The following MTHFS variants were observed in gnomAD, a reference collection of about 807,000 sequenced individuals.
MTHFS encodes the protein 5-formyltetrahydrofolate cyclo-ligase.
Under a neutral mutation model 12.7 loss-of-function variants are expected in MTHFS, and 7 were observed. That is an observed-to-expected ratio of 0.55 (90% CI 0.31 to 1.03). The LOEUF (loss-of-function observed/expected upper bound fraction) is 1.03, where lower values mean the gene tolerates loss of function less well. MTHFS is among the 50% of genes least tolerant of loss of function. The pLI is 0.05. For synonymous variants in MTHFS, 100 were observed against 97.1 expected, an observed-to-expected ratio of 1.03 and a Z score of -0.18; for missense variants, 252 against 258.1, an observed-to-expected ratio of 0.98 and a Z score of 0.16.
chr15:79,864,206 A>G (rs1017552105), intron 2 of MTHFS, among the ~76,000 whole-genome samples: 1 of 152,216 alleles, frequency 6.6e-6, no homozygotes, highest in Admixed American at 6.5e-5. Context: ...CTTAGTAGAC[A>G]AAGGGTAGCT....
chr15:79,897,234 C>T (rs1387682495), upstream of MTHFS: 4 of 456,410 alleles, frequency 8.8e-6, no homozygotes, highest in Non-Finnish European at 1.5e-5. Flanking sequence ...GTTAGGGGAG[C>T]GGTGGCGAGG....
upstream of MTHFS, chr15:79,897,025 C>A: frequency 6.7e-7 from 1 of 1,491,472 alleles, no homozygotes; most frequent in Non-Finnish European, 8.9e-7. Flanking sequence ...GCCCTCGGCG[C>A]CCTGGGCGCC....
At chr15:79,879,321 C>CTTTTTTTTTTTTTT (rs565488885) in intron 2 of MTHFS, among the ~76,000 whole-genome samples, 11 of 79,328 alleles carry the variant, frequency 1.4e-4, no homozygotes, top group South Asian at 5.0e-4. Context: ...AATTATTACC[C>CTTTTTTTTTTTTTT]TTTTTTTTTT....
chr15:79,855,852 C>A (rs1596063990), intron 2 of MTHFS, among the ~76,000 whole-genome samples: 1 of 152,292 alleles, frequency 6.6e-6, no homozygotes, highest in African/African-American at 2.4e-5. Context: ...TGATCTCACT[C>A]TTTTTTATAA....
chr15:79,893,938 G>A lies in MTHFS; in HGVS notation c.117+2934C>T, dbSNP rs187099720. On this transcript the variant is annotated intron_variant, in intron 1 of 2. Coordinates refer to ENST00000258874, the MANE Select transcript of MTHFS (RefSeq NM_006441.4). ...GTACAGTGCCAATAAGAATAAATAC[G>A]CTTTTCTAAATGAAAGACATCATTT... Among the ~76,000 whole-genome samples, 353 of 152,036 alleles carry A rather than the reference G, an allele frequency of 2.3e-3. 3 individuals carry two copies. The highest frequency in any genetic ancestry group is 8.2e-3 in the African/African-American group (339 of 41,472).
chr15:79,847,533 T>C (rs1272201647), intron 2 of MTHFS, among the ~76,000 whole-genome samples: 1 of 151,228 alleles, frequency 6.6e-6, no homozygotes, highest in Non-Finnish European at 1.5e-5. Context: ...AAATACAAAA[T>C]ATTAGCCAGG....
At chr15:79,891,986 GAGAA>G (rs1322141456) in intron 1 of MTHFS, among the ~76,000 whole-genome samples, 1 of 108,920 alleles carries the variant, frequency 9.2e-6, no homozygotes, top group African/African-American at 3.2e-5. Flanking sequence ...AAAAAAAAAA[GAGAA>G]AGAAAAAGAA....
chr15:79,896,552 C>T (rs1180528579), intron 1 of MTHFS, among the ~76,000 whole-genome samples: 1 of 152,234 alleles, frequency 6.6e-6, no homozygotes, highest in Non-Finnish European at 1.5e-5. Context: ...GTCATCCCCA[C>T]GGAGGGTTTT....
intron 2 of MTHFS, among the ~76,000 whole-genome samples, chr15:79,874,950 C>T (rs145288966): frequency 3.7e-4 from 56 of 152,050 alleles, no homozygotes; most frequent in South Asian, 1.9e-3. Context: ...ACATGCTTTA[C>T]GAACAATTTG....
Position 79,868,958 on chromosome 15 carries a change from AT to A in MTHFS, c.379+20134del, listed in dbSNP as rs202048707. Reference sequence around the variant, plus strand: ...AGAACTCTGACTATACACTAGGTGCATTTTTTTTTAATGTAAACCTTTTCAT... The same window carrying A: ...AGAACTCTGACTATACACTAGGTGCATTTTTTTTAATGTAAACCTTTTCAT... On this transcript the variant is annotated intron_variant, in intron 2 of 2. Transcript: ENST00000258874. Among the ~76,000 whole-genome samples the A allele has an allele frequency of 9.9e-4, 149 of 151,202 alleles. 1 individual carries two copies. The highest frequency in any genetic ancestry group is 4.8e-3 in the East Asian group (25 of 5,164).
rs1207073293 is a variant in MTHFS, at chr15:79,845,345, G to A, written c.477C>T (p.Arg159=). 1.2e-6 allele frequency: 2 copies of A among 1,614,064 alleles called. No homozygotes were observed. The highest frequency in any genetic ancestry group is 3.3e-5 in the Admixed American group (2 of 59,996). Residue 159 remains arginine, a synonymous_variant, in exon 3 of 3, where the codon CGC becomes CGT. Coordinates refer to ENST00000258874, the MANE Select transcript of MTHFS (RefSeq NM_006441.4). The part of the protein sequence containing the change: ...GKGYYDAYLK[R]CLQHQEVKPY... ...GCTTCACTTCCTGATGCTGCAAACA[G>A]CGCTTCAGATAGGCATCATAGTAGC...
chr15:79,896,836 T>G (rs1308574494), intron 1 of MTHFS, 36 bp downstream of exon 1: 2 of 1,538,426 alleles, frequency 1.3e-6, no homozygotes, highest in East Asian at 4.9e-5. Context: ...TCGGAGGGTC[T>G]GTCCGCCGCG....
intron 2 of MTHFS, among the ~76,000 whole-genome samples, chr15:79,848,764 C>T (rs1421936941): frequency 1.3e-5 from 2 of 152,174 alleles, no homozygotes; most frequent in Non-Finnish European, 2.9e-5. Context: ...TGAAGTCTAC[C>T]TTGTACCACA....
chr15:79,871,798 G>T (rs1444470394), intron 2 of MTHFS, among the ~76,000 whole-genome samples: 1 of 152,048 alleles, frequency 6.6e-6, no homozygotes, highest in Non-Finnish European at 1.5e-5. Flanking sequence ...GACTTCAAAT[G>T]CTATTAAAAT....
chr15:79,887,440 A>T (rs1315645135), intron 2 of MTHFS, among the ~76,000 whole-genome samples: 1 of 152,198 alleles, frequency 6.6e-6, no homozygotes, highest in Non-Finnish European at 1.5e-5. Context: ...GAAGGAGCAC[A>T]GCTGTTCTAA....
At chr15:79,859,308 G>A (rs190758663) in intron 2 of MTHFS, among the ~76,000 whole-genome samples, 10 of 152,266 alleles carry the variant, frequency 6.6e-5, no homozygotes, top group African/African-American at 2.2e-4. Flanking sequence ...CATCCCACCA[G>A]GTATTAAAAT....
At chr15:79,893,331 G>A (rs1209790323) in intron 1 of MTHFS, among the ~76,000 whole-genome samples, 1 of 151,526 alleles carries the variant, frequency 6.6e-6, no homozygotes, top group African/African-American at 2.4e-5. Context: ...GAACCCGGGA[G>A]GCGAAGGTTG....
At chr15:79,883,438 C>T (rs1303349420) in intron 2 of MTHFS, among the ~76,000 whole-genome samples, 1 of 152,042 alleles carries the variant, frequency 6.6e-6, no homozygotes, top group Non-Finnish European at 1.5e-5. Flanking sequence ...ACCAGGGATA[C>T]AAATGATTTA....
intron 2 of MTHFS, among the ~76,000 whole-genome samples, chr15:79,866,690 C>T (rs2034017315): frequency 2.6e-5 from 4 of 152,168 alleles, no homozygotes; most frequent in Admixed American, 2.6e-4. Context: ...GTGGCTCACA[C>T]CTGTAATCCC....
Sources: gnomAD v4.1 joint callset for allele counts (sites outside exome capture counted in the v4.1 genomes callset) on GRCh38, gnomAD v4.1.1 for gene constraint, MANE v1.5 for transcripts, NCBI Gene and HGNC (gene_info 2026-07-23, HGNC 2026-07-21) for gene names.